CNTNAP2: variants seen among roughly 807,000 people sequenced by gnomAD.
The protein encoded by CNTNAP2 is contactin associated protein 2, also known as contactin-associated protein-like 2.
Under a neutral mutation model 155.2 loss-of-function variants are expected in CNTNAP2, and 98 were observed. That is an observed-to-expected ratio of 0.63 (90% CI 0.54 to 0.75). The LOEUF (loss-of-function observed/expected upper bound fraction) is 0.75. CNTNAP2 is among the 30% of genes least tolerant of loss of function. The probability of loss-of-function intolerance (pLI) is 0.00; values close to 1 mark genes in which losing one functional copy is unlikely to be tolerated. For missense variants in CNTNAP2, 1,727 were observed against 1,688.1 expected (o/e 1.02, Z -0.40); for synonymous variants, 651 against 631.2 (o/e 1.03, Z -0.47).
At chr7:147,563,253 TCTTAG>T (rs1461883532) in intron 12 of CNTNAP2, among the ~76,000 whole-genome samples, 6 of 152,178 alleles carry the variant, frequency 3.9e-5, no homozygotes, top group African/African-American at 1.4e-4. Flanking sequence ...TGCATATGGT[TCTTAG>T]CTTATTGTCT....
intron 3 of CNTNAP2, among the ~76,000 whole-genome samples, chr7:146,881,093 T>G (rs183694335): frequency 6.6e-6 from 1 of 152,256 alleles, no homozygotes; most frequent in South Asian, 2.1e-4. Flanking sequence ...TTAAAAATCC[T>G]TCCAGAATTT....
chr7:146,806,199 A>G (rs1211827940), intron 2 of CNTNAP2, among the ~76,000 whole-genome samples: 2 of 152,108 alleles, frequency 1.3e-5, no homozygotes, highest in African/African-American at 4.8e-5. Flanking sequence ...TATATTTGCA[A>G]TGAAAACTGA....
intron 8 of CNTNAP2, among the ~76,000 whole-genome samples, chr7:147,137,147 A>G (rs1457233968): frequency 6.6e-6 from 1 of 151,592 alleles, no homozygotes; most frequent in Non-Finnish European, 1.5e-5. Context: ...AAAGTAATTG[A>G]AAACAAACTA....
chr7:147,382,274 C>T (rs1274605282), intron 9 of CNTNAP2, among the ~76,000 whole-genome samples: 1 of 152,052 alleles, frequency 6.6e-6, no homozygotes, highest in Non-Finnish European at 1.5e-5. Context: ...TTGATAGAGA[C>T]ACCTCAAACT....
chr7:146,453,124 A>C (rs1331631879), intron 1 of CNTNAP2, among the ~76,000 whole-genome samples: 1 of 152,204 alleles, frequency 6.6e-6, no homozygotes, highest in African/African-American at 2.4e-5. Flanking sequence ...AGAGCACTGC[A>C]CAGAAACGAT....
At chr7:148,023,951 A>G (rs963710283) in intron 15 of CNTNAP2, among the ~76,000 whole-genome samples, 1 of 152,190 alleles carries the variant, frequency 6.6e-6, no homozygotes, top group Admixed American at 6.5e-5. Context: ...GAGTAACTTA[A>G]TAAGACTTCA....
intron 9 of CNTNAP2, among the ~76,000 whole-genome samples, chr7:147,350,717 T>A (rs1019971346): frequency 1.3e-5 from 2 of 151,856 alleles, no homozygotes; most frequent in Non-Finnish European, 2.9e-5. Context: ...AACAATATAC[T>A]GCAGACATCA....
At chr7:147,198,600 C>T (rs1040449421) in intron 8 of CNTNAP2, among the ~76,000 whole-genome samples, 2 of 152,130 alleles carry the variant, frequency 1.3e-5, no homozygotes, top group Admixed American at 6.6e-5. Context: ...TTGCAATTTG[C>T]GGATTTTACC....
intron 8 of CNTNAP2, among the ~76,000 whole-genome samples, chr7:147,187,782 A>C (rs1802597634): frequency 6.6e-6 from 1 of 152,176 alleles, no homozygotes; most frequent in African/African-American, 2.4e-5. Flanking sequence ...TAAAATAAAG[A>C]GTTATGCTGG....
chr7:146,636,014 A>G (rs1799592043), intron 1 of CNTNAP2, among the ~76,000 whole-genome samples: 1 of 152,156 alleles, frequency 6.6e-6, no homozygotes, highest in Non-Finnish European at 1.5e-5. Context: ...ATTAAACAGT[A>G]CATTATGAGA....
At chr7:146,219,807 A>G (rs1799177755) in intron 1 of CNTNAP2, among the ~76,000 whole-genome samples, 1 of 152,196 alleles carries the variant, frequency 6.6e-6, no homozygotes, top group South Asian at 2.1e-4. Flanking sequence ...ATACTTTTGA[A>G]TTCTGGCTGG....
At chr7:148,243,587 G>A (rs1345791898) in intron 20 of CNTNAP2, among the ~76,000 whole-genome samples, 2 of 152,096 alleles carry the variant, frequency 1.3e-5, no homozygotes, top group Non-Finnish European at 2.9e-5. Context: ...CGCTTGTGGA[G>A]GGGAATGCCT....
intron 3 of CNTNAP2, among the ~76,000 whole-genome samples, chr7:147,008,821 G>T (rs1798571949): frequency 6.6e-6 from 1 of 152,038 alleles, no homozygotes; most frequent in Admixed American, 6.6e-5. Context: ...TCTGTACCTT[G>T]TTGTCTCGGG....
intron 10 of CNTNAP2, among the ~76,000 whole-genome samples, chr7:147,443,851 T>A (rs560941404): frequency 2.6e-5 from 4 of 152,338 alleles, no homozygotes; most frequent in Non-Finnish European, 5.9e-5. Context: ...ACTGCAGTTA[T>A]TTGTTAGCAA....
At chr7:147,351,798 T>C (rs1310889964) in intron 9 of CNTNAP2, among the ~76,000 whole-genome samples, 4 of 151,818 alleles carry the variant, frequency 2.6e-5, no homozygotes, top group Non-Finnish European at 4.4e-5. Flanking sequence ...AAATCTTCAA[T>C]GGTAGCTAAA....
chr7:146,346,777 C>T (rs971370049), intron 1 of CNTNAP2, among the ~76,000 whole-genome samples: 2 of 152,008 alleles, frequency 1.3e-5, no homozygotes, highest in African/African-American at 4.8e-5. Context: ...TGGGACAGTT[C>T]CATCCTGAAA....
chr7:148,334,862 C>T (rs886787958), intron 21 of CNTNAP2, among the ~76,000 whole-genome samples: 1 of 152,206 alleles, frequency 6.6e-6, no homozygotes, highest in Non-Finnish European at 1.5e-5. Flanking sequence ...TGAAAAGACA[C>T]AGCCAGGGGA....
chr7:146,628,736 A>G (rs746659851), intron 1 of CNTNAP2, among the ~76,000 whole-genome samples: 1 of 152,136 alleles, frequency 6.6e-6, no homozygotes, highest in Non-Finnish European at 1.5e-5. Flanking sequence ...TCGATCAAGT[A>G]TATGAGCACA....
intron 1 of CNTNAP2, among the ~76,000 whole-genome samples, chr7:146,211,709 A>G (rs1407516641): frequency 3.3e-5 from 5 of 152,272 alleles, no homozygotes; most frequent in South Asian, 2.1e-4. Flanking sequence ...CCACTTCAGA[A>G]TTAGTGAGTC....
Sources: gnomAD v4.1 joint callset for allele counts (sites outside exome capture counted in the v4.1 genomes callset) on GRCh38, gnomAD v4.1.1 for gene constraint, MANE v1.5 for transcripts, NCBI Gene and HGNC (gene_info 2026-07-23, HGNC 2026-07-21) for gene names.